Variants in CDH2 observed in about 807,000 individuals in gnomAD.
CDH2 encodes the protein cadherin 2.
In CDH2, 17 loss-of-function variants were observed where a neutral mutation model predicts 92.0. The ratio of observed to expected loss-of-function variants is 0.18; its 90% CI spans 0.13 to 0.28. CDH2 has a LOEUF of 0.28. Among genes scored for constraint, CDH2 ranks in the 10% least tolerant of loss-of-function variants. The pLI is 1.00. For synonymous variants in CDH2, 419 were observed against 415.9 expected (o/e 1.01, Z -0.09); for missense variants, 862 against 1,133.1 (o/e 0.76, Z 3.44).
At chr18:28,091,231 C>T (rs990526545) in intron 2 of CDH2, among the ~76,000 whole-genome samples, 1 of 152,188 alleles carries the variant, frequency 6.6e-6, no homozygotes, top group African/African-American at 2.4e-5. Flanking sequence ...CACAAACCAA[C>T]TTGAGAGCAA....
intron 6 of CDH2, among the ~76,000 whole-genome samples, chr18:27,940,543 AGTTTT>A (rs1375927788): frequency 1.3e-5 from 2 of 152,122 alleles, no homozygotes; most frequent in African/African-American, 4.8e-5. Flanking sequence ...TTTGGACAAT[AGTTTT>A]GTTTTATGCT....
At chr18:27,984,012 G>C in intron 13 of CDH2, among the ~76,000 whole-genome samples, 1 of 152,174 alleles carries the variant, frequency 6.6e-6, no homozygotes, top group Middle Eastern at 3.2e-3. Context: ...TTTAAAGCCA[G>C]ATAACATGAT....
chr18:27,951,861 T>C lies in CDH2; in HGVS notation c.*292A>G. ...CTTATCGTTTCAGAAATCAGTACCA[T>C]TAAAGCCTTAAACAGAAAACTAATT... On this transcript the variant is annotated 3_prime_UTR_variant, in exon 16 of 16. Coordinates refer to ENST00000269141, the MANE Select transcript of CDH2 (RefSeq NM_001792.5). 1 of 357,230 alleles carries C rather than the reference T, an allele frequency of 2.8e-6. No homozygotes were observed. The highest frequency in any genetic ancestry group is 3.6e-5 in the South Asian group (1 of 28,130). The allele number at this position is 357,230 out of a possible 1,614,324, so 22.1% of individuals were successfully genotyped here.
intron 1 of CDH2, among the ~76,000 whole-genome samples, chr18:28,172,615 T>C (rs2016481605): frequency 6.6e-6 from 1 of 152,204 alleles, no homozygotes; most frequent in East Asian, 1.9e-4. Context: ...TTCTAGCAAG[T>C]ATACTGCTGT....
intron 2 of CDH2, among the ~76,000 whole-genome samples, chr18:28,095,245 A>T (rs2015111080): frequency 6.6e-6 from 1 of 152,120 alleles, no homozygotes; most frequent in Admixed American, 6.5e-5. Context: ...GAACAAGCCA[A>T]GGAGTGACTG....
chr18:27,983,170 T>C (rs2012115095), intron 13 of CDH2, 87 bp from the exon 14 acceptor site: 2 of 993,332 alleles, frequency 2.0e-6, no homozygotes, highest in Admixed American at 4.8e-5. Context: ...TAATAATTTA[T>C]ACTTATATGA....
At chr18:27,980,400 G>A (rs1421641036) in intron 14 of CDH2, among the ~76,000 whole-genome samples, 6 of 152,128 alleles carry the variant, frequency 3.9e-5, no homozygotes, top group Admixed American at 3.3e-4. Flanking sequence ...GTAGGATGGA[G>A]GTAAGTGAAG....
At chr18:28,091,452 G>A (rs1290758492) in intron 2 of CDH2, among the ~76,000 whole-genome samples, 1 of 151,860 alleles carries the variant, frequency 6.6e-6, no homozygotes, top group Non-Finnish European at 1.5e-5. Flanking sequence ...AATTCTCTCT[G>A]TATGTTTTTG....
chr18:28,031,001 C>A (rs2013681095), intron 2 of CDH2, among the ~76,000 whole-genome samples: 1 of 151,598 alleles, frequency 6.6e-6, no homozygotes, highest in Admixed American at 6.6e-5. Context: ...GTAATTTTAA[C>A]CAATCTTAAG....
At chr18:28,109,919 G>A (rs1406400583) in intron 2 of CDH2, among the ~76,000 whole-genome samples, 1 of 152,122 alleles carries the variant, frequency 6.6e-6, no homozygotes, top group Non-Finnish European at 1.5e-5. Flanking sequence ...GGTTAACAAA[G>A]GCTATTCCTT....
At chr18:28,176,338 C>G (rs536429330) in intron 1 of CDH2, among the ~76,000 whole-genome samples, 1 of 152,218 alleles carries the variant, frequency 6.6e-6, no homozygotes, top group Non-Finnish European at 1.5e-5. Context: ...CTCCTCCGGG[C>G]AAGAGGGCCA....
intron 15 of CDH2, among the ~76,000 whole-genome samples, chr18:27,953,539 CAAGCCTGCCA>C: frequency 6.6e-6 from 1 of 152,260 alleles, no homozygotes; most frequent in African/African-American, 2.4e-5. Context: ...CTTGAGAGAT[CAAGCCTGCCA>C]ATACACATGC....
At chr18:28,158,809 A>G (rs1006500550) in intron 1 of CDH2, among the ~76,000 whole-genome samples, 2 of 152,234 alleles carry the variant, frequency 1.3e-5, no homozygotes, top group Admixed American at 1.3e-4. Flanking sequence ...AGATATGAAA[A>G]GCCAGCTATC....
intron 2 of CDH2, among the ~76,000 whole-genome samples, chr18:28,098,110 T>C (rs781008179): frequency 1.7e-4 from 26 of 152,092 alleles, no homozygotes; most frequent in Non-Finnish European, 3.1e-4. Flanking sequence ...TAGCAAAATG[T>C]TGGGGAATGG....
At chr18:28,107,883 A>AG (rs1466384822) in intron 2 of CDH2, among the ~76,000 whole-genome samples, 2 of 152,228 alleles carry the variant, frequency 1.3e-5, no homozygotes, top group East Asian at 3.8e-4. Flanking sequence ...AAAAGAAAAA[A>AG]GAAAAACACC....
At chr18:27,948,499 G>C (rs953367201), downstream of CDH2, among the ~76,000 whole-genome samples, 1 of 151,658 alleles carries the variant, frequency 6.6e-6, no homozygotes, top group Admixed American at 6.6e-5. Context: ...AACATAGTGA[G>C]AACCACATAA....
intron 15 of CDH2, among the ~76,000 whole-genome samples, chr18:27,954,135 G>A (rs1201462966): frequency 1.3e-5 from 2 of 152,084 alleles, no homozygotes; most frequent in Non-Finnish European, 2.9e-5. Flanking sequence ...AATAAAGCAG[G>A]TTTCAGCAAA....
chr18:28,152,541 T>TA lies in CDH2; in HGVS notation c.61-4758dup, dbSNP rs537598484. Among the ~76,000 whole-genome samples the TA allele has an allele frequency of 8.1e-4, 123 of 152,136 alleles. 1 individual carries two copies. In the South Asian group the frequency reaches 0.025, roughly 31 times the overall value. On this transcript the variant is annotated intron_variant, in intron 1 of 15. Coordinates refer to ENST00000269141, the MANE Select transcript of CDH2 (RefSeq NM_001792.5). The stretch of plus-strand genomic sequence containing the variant: ...CATCCTAGGCAGTCACTGCTTGAAC[T>TA]AAAACAAGGCAGCAAGAAACAGCAT...
chr18:27,961,262 G>T (rs2011395935), intron 15 of CDH2, among the ~76,000 whole-genome samples: 1 of 151,090 alleles, frequency 6.6e-6, no homozygotes, highest in South Asian at 2.1e-4. Flanking sequence ...CTAAGAGCTA[G>T]GTAACATACT....
Sources: gnomAD v4.1 joint callset for allele counts (sites outside exome capture counted in the v4.1 genomes callset) on GRCh38, gnomAD v4.1.1 for gene constraint, MANE v1.5 for transcripts, NCBI Gene and HGNC (gene_info 2026-07-23, HGNC 2026-07-21) for gene names.